The following NTNG1 variants were observed in gnomAD, a reference collection of about 807,000 sequenced individuals.
NTNG1 encodes netrin-G1.
A neutral mutation model predicts 54.0 loss-of-function variants in NTNG1; 16 were observed. The ratio of observed to expected loss-of-function variants is 0.30; its 90% CI spans 0.20 to 0.45. NTNG1 has a LOEUF of 0.45. Among genes scored for constraint, NTNG1 ranks in the 20% least tolerant of loss-of-function variants. The pLI is 1.00. For missense variants in NTNG1, 530 were observed against 678.7 expected, an observed-to-expected ratio of 0.78 and a Z score of 2.43; for synonymous variants, 255 against 263.1, an observed-to-expected ratio of 0.97 and a Z score of 0.30.
At chr1:107,183,271 G>A (rs1657206684) in intron 2 of NTNG1, among the ~76,000 whole-genome samples, 1 of 152,116 alleles carries the variant, frequency 6.6e-6, no homozygotes, top group African/African-American at 2.4e-5. Context: ...CTGGCACACT[G>A]ATCTGTTTAA....
At chr1:107,433,310 C>G (rs547141978) in intron 6 of NTNG1, among the ~76,000 whole-genome samples, 3 of 152,016 alleles carry the variant, frequency 2.0e-5, no homozygotes, top group Admixed American at 6.6e-5. Flanking sequence ...TTAGAAGGCC[C>G]GGGCAGGTGG....
chr1:107,177,025 A>G (rs986978638), intron 2 of NTNG1, among the ~76,000 whole-genome samples: 1 of 152,140 alleles, frequency 6.6e-6, no homozygotes, highest in African/African-American at 2.4e-5. Context: ...AAATTGCCCC[A>G]GTTGAGAACC....
At chr1:107,204,212 T>G (rs549577282) in intron 2 of NTNG1, among the ~76,000 whole-genome samples, 1 of 152,264 alleles carries the variant, frequency 6.6e-6, no homozygotes, top group African/African-American at 2.4e-5. Flanking sequence ...CATTAAATTT[T>G]CTTTACTGTT....
chr1:107,391,554 C>T lies in NTNG1; in HGVS notation c.888-3600C>T, dbSNP rs1469224247. On this transcript the variant is annotated intron_variant, in intron 3 of 7. Coordinates refer to ENST00000370068, the MANE Select transcript of NTNG1 (RefSeq NM_001113226.3). ...CTTGGTAATTTATAAAGGAAAGAAG[C>T]TTATTTTGGCTTACAGTTCTGTAAG... is the stretch of plus-strand genomic sequence containing the variant. 2.6e-5 allele frequency among the ~76,000 whole-genome samples: 4 copies of T among 152,052 alleles called. No individual in the cohort carries two copies. The East Asian group carries it at 7.7e-4, about 29-fold the overall frequency.
chr1:107,409,013 ATTGGCCACT>A (rs1181483774), intron 5 of NTNG1: 1 of 152,156 alleles, frequency 6.6e-6, no homozygotes, highest in Non-Finnish European at 1.5e-5. Flanking sequence ...TGCCATGAAA[ATTGGCCACT>A]TTGTAAATAG....
At chr1:107,316,136 T>TA (rs1557893136) in intron 2 of NTNG1, among the ~76,000 whole-genome samples, 5 of 152,270 alleles carry the variant, frequency 3.3e-5, no homozygotes, top group African/African-American at 1.2e-4. Context: ...AGCTGGAGCC[T>TA]AGGAAGTAAC....
chr1:107,413,946 T>G (rs1674019703), intron 5 of NTNG1, among the ~76,000 whole-genome samples: 1 of 152,132 alleles, frequency 6.6e-6, no homozygotes. Flanking sequence ...TCAGAAAACT[T>G]TTTCCTTGAT....
At chr1:107,159,333 G>T (rs1439316747) in intron 2 of NTNG1, among the ~76,000 whole-genome samples, 9 of 152,172 alleles carry the variant, frequency 5.9e-5, no homozygotes. Context: ...ACGGGAGACA[G>T]TGCTTTTATA....
At chr1:107,424,585 T>C (rs1241171324) in intron 5 of NTNG1, among the ~76,000 whole-genome samples, 1 of 151,996 alleles carries the variant, frequency 6.6e-6, no homozygotes, top group Non-Finnish European at 1.5e-5. Flanking sequence ...TGATGATGCG[T>C]CTGAGGAAAA....
chr1:107,311,469 A>C (rs968038785), intron 2 of NTNG1, among the ~76,000 whole-genome samples: 3 of 152,156 alleles, frequency 2.0e-5, no homozygotes, highest in Non-Finnish European at 4.4e-5. Context: ...ACCTCACCTG[A>C]AACCCCAGTA....
chr1:107,405,498 A>G (rs1011910968), intron 4 of NTNG1, among the ~76,000 whole-genome samples: 7 of 152,158 alleles, frequency 4.6e-5, no homozygotes, highest in African/African-American at 1.7e-4. Flanking sequence ...AGGTTTGGAA[A>G]CTTGGAACAA....
intron 2 of NTNG1, among the ~76,000 whole-genome samples, chr1:107,311,690 T>C (rs188944466): frequency 6.6e-6 from 1 of 152,298 alleles, no homozygotes; most frequent in African/African-American, 2.4e-5. Flanking sequence ...TCCTATCTTC[T>C]TCCTGGCTTT....
At chr1:107,294,634 T>C (rs1393289184) in intron 2 of NTNG1, among the ~76,000 whole-genome samples, 1 of 152,130 alleles carries the variant, frequency 6.6e-6, no homozygotes, top group Non-Finnish European at 1.5e-5. Flanking sequence ...CAGCTAAATA[T>C]GGTAGTTGAT....
chr1:107,189,211 A>G (rs569334801), intron 2 of NTNG1, among the ~76,000 whole-genome samples: 47 of 151,944 alleles, frequency 3.1e-4, no homozygotes, highest in African/African-American at 9.9e-4. Flanking sequence ...ATTAGCTGGG[A>G]GTGGTAGTTC....
chr1:107,347,564 A>G (rs1349984340), intron 3 of NTNG1, among the ~76,000 whole-genome samples: 2 of 152,206 alleles, frequency 1.3e-5, no homozygotes, highest in African/African-American at 4.8e-5. Context: ...GAGATTGTTG[A>G]GAGAATTAGC....
chr1:107,183,805 T>C (rs1217265852), intron 2 of NTNG1, among the ~76,000 whole-genome samples: 1 of 152,128 alleles, frequency 6.6e-6, no homozygotes, highest in African/African-American at 2.4e-5. Flanking sequence ...TTTCCTCTCC[T>C]GCACTCCTTA....
chr1:107,321,955 A>G (rs1218358043), intron 2 of NTNG1, among the ~76,000 whole-genome samples: 2 of 152,088 alleles, frequency 1.3e-5, no homozygotes, highest in African/African-American at 2.4e-5. Context: ...CTGTGCCTCA[A>G]TTTCCTCTTC....
At chr1:107,419,627 A>ATTC (rs1454069085) in intron 5 of NTNG1, among the ~76,000 whole-genome samples, 2 of 151,006 alleles carry the variant, frequency 1.3e-5, no homozygotes, top group Admixed American at 6.6e-5. Context: ...CTTCTTCAAA[A>ATTC]AAAAAAAAAA....
intron 2 of NTNG1, among the ~76,000 whole-genome samples, chr1:107,235,139 G>A (rs12083990): frequency 0.039 from 5,889 of 152,176 alleles, 307 homozygotes; most frequent in African/African-American, 0.12. Flanking sequence ...TGACAATAGG[G>A]GAGCTCAACT....
Sources: gnomAD v4.1 joint callset for allele counts (sites outside exome capture counted in the v4.1 genomes callset) on GRCh38, gnomAD v4.1.1 for gene constraint, MANE v1.5 for transcripts, NCBI Gene and HGNC (gene_info 2026-07-23, HGNC 2026-07-21) for gene names.